CEMIP: variants seen among roughly 807,000 people sequenced by gnomAD.
CEMIP encodes cell migration-inducing and hyaluronan-binding protein.
Under a neutral mutation model 156.9 loss-of-function variants are expected in CEMIP, and 105 were observed. The ratio of observed to expected loss-of-function variants is 0.67; its 90% CI spans 0.57 to 0.79. CEMIP has a LOEUF of 0.79. Among genes scored for constraint, CEMIP ranks in the 30% least tolerant of loss-of-function variants. The probability of loss-of-function intolerance (pLI) is 0.00; values close to 1 mark genes in which losing one functional copy is unlikely to be tolerated. For synonymous variants in CEMIP, 676 were observed against 668.4 expected, an observed-to-expected ratio of 1.01 and a Z score of -0.17; for missense variants, 1,457 against 1,769.4, an observed-to-expected ratio of 0.82 and a Z score of 3.17.
chr15:80,827,914 T>C (rs993930042), intron 1 of CEMIP, among the ~76,000 whole-genome samples: 1 of 152,094 alleles, frequency 6.6e-6, no homozygotes, highest in African/African-American at 2.4e-5. Context: ...CATCTCCCCT[T>C]CCCCATCTCT....
At chr15:80,946,617 T>C in intron 28 of CEMIP, 1 of 296,664 alleles carries the variant, frequency 3.4e-6, no homozygotes, top group Non-Finnish European at 6.7e-6. Flanking sequence ...AAGAGATACA[T>C]ATCGAAGTCC....
chr15:80,839,084 C>T (rs1179142335), intron 1 of CEMIP, among the ~76,000 whole-genome samples: 1 of 152,110 alleles, frequency 6.6e-6, no homozygotes, highest in African/African-American at 2.4e-5. Context: ...GGGACTCAGG[C>T]TGGGGTTGAG....
At chr15:80,814,562 C>A (rs1896748083) in intron 1 of CEMIP, among the ~76,000 whole-genome samples, 1 of 152,204 alleles carries the variant, frequency 6.6e-6, no homozygotes, top group Admixed American at 6.5e-5. Flanking sequence ...TCTTAGAATT[C>A]TTCTCCTGCA....
chr15:80,820,907 T>C (rs1463319623), intron 1 of CEMIP, among the ~76,000 whole-genome samples: 2 of 152,262 alleles, frequency 1.3e-5, no homozygotes, highest in Non-Finnish European at 2.9e-5. Context: ...TTTTATGTTA[T>C]TATTAACTAG....
chr15:80,840,638 C>T (rs547510124), intron 1 of CEMIP, among the ~76,000 whole-genome samples: 1 of 152,304 alleles, frequency 6.6e-6, no homozygotes, highest in South Asian at 2.1e-4. Context: ...GGCCACACTG[C>T]TGGACTGCTG....
At chr15:80,924,544 C>A in intron 17 of CEMIP, 77 bp from the exon 18 acceptor site, 1 of 1,235,706 alleles carries the variant, frequency 8.1e-7, no homozygotes, top group Non-Finnish European at 1.2e-6. Flanking sequence ...CAGAAGTATG[C>A]AGTGAGGCTG....
Position 80,895,143 on chromosome 15 carries a change from G to A in CEMIP, c.1219+21G>A, listed in dbSNP as rs1899173450. On this transcript the variant is annotated intron_variant, in intron 11 of 29. Transcript: ENST00000394685. Reference sequence around the variant, plus strand: ...GCCTGGTAAGCAGCCCCTTGTCGGGGACACAGATGCAACTATGGCTCGGTT... The same window carrying A: ...GCCTGGTAAGCAGCCCCTTGTCGGGAACACAGATGCAACTATGGCTCGGTT... The A allele has an allele frequency of 5.6e-6, 9 of 1,614,044 alleles. No homozygotes were observed. In the East Asian group the frequency reaches 2.0e-4, roughly 36 times the overall value.
At chr15:80,921,878 G>A (rs887512796) in intron 16 of CEMIP, 131 bp from the exon 17 acceptor site, 2 of 1,116,508 alleles carry the variant, frequency 1.8e-6, no homozygotes, top group East Asian at 2.4e-5. Flanking sequence ...TTGGGGGTGG[G>A]CACCGAGGGC....
rs539063658 is a variant in CEMIP at position 80,801,082 on chromosome 15, G to A, written c.-176+21468G>A. ...GCTGCTTTCTCTGCTCAATCATCTA[G>A]CAAACTACCATTCATTCTTCCTGAC... On this transcript the variant is annotated intron_variant, in intron 1 of 29. Coordinates refer to ENST00000394685, the MANE Select transcript of CEMIP (RefSeq NM_001293298.2). Among the ~76,000 whole-genome samples, 5 of 152,296 alleles carry A rather than the reference G, an allele frequency of 3.3e-5. No homozygotes were observed. The East Asian group carries it at 9.6e-4, about 29-fold the overall frequency.
Position 80,928,917 on chromosome 15 carries a change from C to T in CEMIP, c.2436C>T (p.Gly812=), listed in dbSNP as rs770655797. Residue 812 remains glycine, a synonymous_variant, in exon 20 of 30, where the codon GGC becomes GGT. Transcript: ENST00000394685. ...WLDSCRFADN[G]IGLTLASGGT... Reference sequence around the variant, plus strand: ...TTGCCCACAGGTTTGCTGACAATGGCATTGGCCTGACCCTGGCCAGGTAAG... The same window carrying T: ...TTGCCCACAGGTTTGCTGACAATGGTATTGGCCTGACCCTGGCCAGGTAAG... 6.2e-7 allele frequency: 1 copy of T among 1,614,130 alleles called. No individual in the cohort carries two copies. Among genetic ancestry groups the T allele is most frequent in the African/African-American group, 1.3e-5 (1 of 75,058 alleles).
chr15:80,881,469 G>A (rs1223392451), intron 6 of CEMIP, among the ~76,000 whole-genome samples: 1 of 152,214 alleles, frequency 6.6e-6, no homozygotes, highest in East Asian at 1.9e-4. Context: ...GTGTAAGGAT[G>A]CAACATTTGA....
chr15:80,899,947 A>G (rs917919951), intron 12 of CEMIP, among the ~76,000 whole-genome samples: 1 of 152,172 alleles, frequency 6.6e-6, no homozygotes, highest in East Asian at 1.9e-4. Flanking sequence ...ACTGCTCACT[A>G]TAAGATGATC....
intron 14 of CEMIP, among the ~76,000 whole-genome samples, chr15:80,913,284 C>T (rs1366163249): frequency 6.6e-6 from 1 of 152,234 alleles, no homozygotes; most frequent in East Asian, 1.9e-4. Context: ...GCTTCTTACT[C>T]CTGTCCTGAC....
intron 10 of CEMIP, among the ~76,000 whole-genome samples, chr15:80,889,796 T>G (rs1053846522): frequency 2.0e-5 from 3 of 152,200 alleles, no homozygotes; most frequent in Non-Finnish European, 2.9e-5. Context: ...GATTCTCTCC[T>G]GGGTCCAGCT....
At chr15:80,819,107 A>G (rs550638109) in intron 1 of CEMIP, among the ~76,000 whole-genome samples, 1 of 152,310 alleles carries the variant, frequency 6.6e-6, no homozygotes, top group Admixed American at 6.5e-5. Flanking sequence ...CCATTTTCTG[A>G]GTTTCCACAG....
At chr15:80,915,496 A>C (rs1023623250) in intron 14 of CEMIP, among the ~76,000 whole-genome samples, 38 of 152,314 alleles carry the variant, frequency 2.5e-4, no homozygotes, top group African/African-American at 9.1e-4. Flanking sequence ...TATGAAACCC[A>C]GACTCTTGTC....
chr15:80,797,120 A>G (rs1244434367), intron 1 of CEMIP, among the ~76,000 whole-genome samples: 1 of 152,206 alleles, frequency 6.6e-6, no homozygotes, highest in Non-Finnish European at 1.5e-5. Context: ...GTGACACTTC[A>G]TGGCACCAGT....
intron 1 of CEMIP, among the ~76,000 whole-genome samples, chr15:80,864,811 C>A (rs560991089): frequency 1.3e-5 from 2 of 152,204 alleles, no homozygotes; most frequent in Non-Finnish European, 2.9e-5. Context: ...AGTTCTCAAA[C>A]GTAAGCGCTT....
chr15:80,795,458 G>T (rs991719199), intron 1 of CEMIP, among the ~76,000 whole-genome samples: 9 of 152,068 alleles, frequency 5.9e-5, no homozygotes, highest in African/African-American at 2.2e-4. Context: ...GGACAGACAG[G>T]ATGGTGGATT....
Sources: allele counts gnomAD v4.1 joint callset (sites outside exome capture counted in the v4.1 genomes callset), GRCh38; gene constraint gnomAD v4.1.1; transcripts MANE v1.5; gene names NCBI Gene and HGNC (gene_info 2026-07-23, HGNC 2026-07-21).